PTPRD: variants seen among roughly 807,000 people sequenced by gnomAD.
The protein encoded by PTPRD is receptor-type tyrosine-protein phosphatase delta.
PTPRD carries 34 observed loss-of-function variants against 214.5 expected under a neutral mutation model. The observed-to-expected ratio is 0.16, with a 90% confidence interval of 0.12 to 0.21. The LOEUF is 0.21. Among genes scored for constraint, PTPRD ranks in the 10% least tolerant of loss-of-function variants. PTPRD has a pLI of 1.00. For synonymous variants in PTPRD, 1,128 were observed against 845.7 expected (o/e 1.33, Z -5.79); for missense variants, 2,545 against 2,398.7 (o/e 1.06, Z -1.27).
chr9:8,997,907 T>G (rs1225091178), intron 11 of PTPRD, among the ~76,000 whole-genome samples: 1 of 152,104 alleles, frequency 6.6e-6, no homozygotes, highest in Non-Finnish European at 1.5e-5. Flanking sequence ...ATAGTCTGGA[T>G]AGAAGATCAA....
intron 3 of PTPRD, among the ~76,000 whole-genome samples, chr9:10,328,743 A>G (rs187451630): frequency 1.2e-3 from 178 of 151,958 alleles, no homozygotes; most frequent in African/African-American, 8.4e-4. Flanking sequence ...AATTAATGGT[A>G]GAAATAGAGG....
At chr9:9,056,034 G>T (rs1398264170) in intron 10 of PTPRD, among the ~76,000 whole-genome samples, 1 of 151,996 alleles carries the variant, frequency 6.6e-6, no homozygotes, top group Non-Finnish European at 1.5e-5. Context: ...GAATATACTA[G>T]AGTAGTTCTG....
At chr9:9,544,354 G>T (rs1056275214) in intron 8 of PTPRD, among the ~76,000 whole-genome samples, 23 of 151,578 alleles carry the variant, frequency 1.5e-4, no homozygotes, top group East Asian at 7.8e-4. Flanking sequence ...ATCAATGAAG[G>T]TTCCCAAAAT....
intron 7 of PTPRD, among the ~76,000 whole-genome samples, chr9:9,605,846 A>C (rs1286874248): frequency 6.6e-6 from 1 of 152,058 alleles, no homozygotes; most frequent in East Asian, 1.9e-4. Context: ...CATTACACGA[A>C]TTTCCAACGA....
rs556078617 is a variant in PTPRD, at chr9:8,375,978, G to T, written c.4619C>A (p.Thr1540Asn). Residue 1540 changes from threonine (T) to asparagine (N), a missense_variant, in exon 39 of 46, where the codon ACC becomes AAC. Transcript: ENST00000381196. ...PFLAFLRRVK[T>N]CNPPDAGPMV... ...CGGACCAGCATCGGGAGGGTTACAG[G>T]TTTTGACTCTACGTAAGAAAGCTAG... The T allele has an allele frequency of 6.2e-7, 1 of 1,612,796 alleles. No individual in the cohort carries two copies. The highest frequency in any genetic ancestry group is 2.2e-5 in the East Asian group (1 of 44,846).
Position 8,500,837 on chromosome 9 carries a change from T to G in PTPRD, c.2045A>C (p.Glu682Ala). Residue 682 changes from glutamate (E) to alanine (A), a missense_variant, in exon 24 of 46, where the codon GAA becomes GCA. Glu to Ala is a moderately radical substitution (Grantham distance 107). Coordinates refer to ENST00000381196, the MANE Select transcript of PTPRD (RefSeq NM_002839.4). ...YLLEQLEKWT[E>A]YRITVTAHTD... is the part of the protein sequence containing the mutation. ...ATGGGCTGTCACAGTGATCCGGTATTCAGTCCATTTTTCCAGCTGTTCCAA... is the reference window on the plus strand; with the variant it reads ...ATGGGCTGTCACAGTGATCCGGTATGCAGTCCATTTTTCCAGCTGTTCCAA... 1 of 1,614,174 alleles carries G rather than the reference T, an allele frequency of 6.2e-7. No homozygotes were observed. The highest frequency in any genetic ancestry group is 8.5e-7 in the Non-Finnish European group (1 of 1,180,020).
At chr9:9,404,135 C>T (rs558271056) in intron 8 of PTPRD, among the ~76,000 whole-genome samples, 20 of 151,936 alleles carry the variant, frequency 1.3e-4, no homozygotes, top group Middle Eastern at 3.4e-3. Flanking sequence ...GGTAGGTGGC[C>T]AGATTAAGGA....
At chr9:9,372,159 G>C (rs2059687083) in intron 9 of PTPRD, among the ~76,000 whole-genome samples, 2 of 152,098 alleles carry the variant, frequency 1.3e-5, no homozygotes, top group Non-Finnish European at 2.9e-5. Context: ...TTCAATTCCT[G>C]GGTATCCTTG....
At chr9:9,503,817 A>G (rs1354041801) in intron 8 of PTPRD, among the ~76,000 whole-genome samples, 1 of 151,794 alleles carries the variant, frequency 6.6e-6, no homozygotes, top group Non-Finnish European at 1.5e-5. Context: ...ATGTATGCCT[A>G]TCACAGAAGA....
intron 10 of PTPRD, among the ~76,000 whole-genome samples, chr9:9,073,958 A>G (rs2099747404): frequency 6.6e-6 from 1 of 152,124 alleles, no homozygotes; most frequent in African/African-American, 2.4e-5. Flanking sequence ...CTGTAAAATA[A>G]GGACTAATTA....
At chr9:9,903,960 T>C (rs114505595) in intron 5 of PTPRD, among the ~76,000 whole-genome samples, 219 of 152,270 alleles carry the variant, frequency 1.4e-3, no homozygotes, top group African/African-American at 5.1e-3. Flanking sequence ...AATAGTAACA[T>C]TAACCTCTAT....
intron 3 of PTPRD, among the ~76,000 whole-genome samples, chr9:10,254,819 C>T (rs909672864): frequency 6.6e-6 from 1 of 152,134 alleles, no homozygotes; most frequent in Non-Finnish European, 1.5e-5. Flanking sequence ...TCTGTATTTA[C>T]TCTGGCGGGT....
intron 7 of PTPRD, among the ~76,000 whole-genome samples, chr9:9,583,687 T>C (rs2091333794): frequency 6.6e-6 from 1 of 152,044 alleles, no homozygotes; most frequent in African/African-American, 2.4e-5. Flanking sequence ...CATGTGAAAG[T>C]TCACAAGATT....
intron 9 of PTPRD, among the ~76,000 whole-genome samples, chr9:9,296,214 CAT>C (rs1397449455): frequency 2.0e-5 from 3 of 151,742 alleles, no homozygotes; most frequent in Non-Finnish European, 4.4e-5. Context: ...AACTTGTACT[CAT>C]ATTACAGTTC....
chr9:9,675,078 A>G (rs2096903724), intron 7 of PTPRD, among the ~76,000 whole-genome samples: 1 of 151,958 alleles, frequency 6.6e-6, no homozygotes, highest in African/African-American at 2.4e-5. Flanking sequence ...CACATGGAAC[A>G]AGTCTAACAT....
At chr9:8,530,216 T>C (rs1280760317) in intron 14 of PTPRD, among the ~76,000 whole-genome samples, 2 of 151,988 alleles carry the variant, frequency 1.3e-5, no homozygotes, top group Admixed American at 6.6e-5. Context: ...TCCAACTCTC[T>C]CCCTCTAGAG....
At chr9:9,215,729 G>A (rs1306349632) in intron 9 of PTPRD, among the ~76,000 whole-genome samples, 1 of 152,176 alleles carries the variant, frequency 6.6e-6, no homozygotes, top group Admixed American at 6.5e-5. Context: ...ACATGTAGCT[G>A]TTCATGACTT....
intron 2 of PTPRD, among the ~76,000 whole-genome samples, chr9:10,454,047 T>C (rs544001654): frequency 5.3e-5 from 8 of 151,712 alleles, no homozygotes; most frequent in Middle Eastern, 3.4e-3. Flanking sequence ...CAAGATAGTA[T>C]CCACCAGTTA....
chr9:8,717,645 G>A (rs1005961815), intron 12 of PTPRD, among the ~76,000 whole-genome samples: 1 of 152,114 alleles, frequency 6.6e-6, no homozygotes, highest in Admixed American at 6.6e-5. Context: ...TAAACTGAGG[G>A]GCATTTTTTA....
Sources: allele counts gnomAD v4.1 joint callset (sites outside exome capture counted in the v4.1 genomes callset), GRCh38; gene constraint gnomAD v4.1.1; transcripts MANE v1.5; gene names NCBI Gene and HGNC (gene_info 2026-07-23, HGNC 2026-07-21).